Variants in EGFR observed in about 807,000 individuals in gnomAD.
The protein encoded by EGFR is epidermal growth factor receptor.
In EGFR, 58 loss-of-function variants were observed where a neutral mutation model predicts 143.0. That is an observed-to-expected ratio of 0.41 (90% CI 0.33 to 0.50). The LOEUF (loss-of-function observed/expected upper bound fraction) is 0.50. EGFR is among the 20% of genes least tolerant of loss of function. The pLI is 0.39. For synonymous variants in EGFR, 613 were observed against 594.4 expected (o/e 1.03, Z -0.45); for missense variants, 1,307 against 1,579.0 (o/e 0.83, Z 2.92).
At chr7:55,198,988 TC>T in intron 23 of EGFR, 125 bp downstream of exon 23, 1 of 1,253,108 alleles carries the variant, frequency 8.0e-7, no homozygotes, top group Non-Finnish European at 1.1e-6. Flanking sequence ...GGCACACAAA[TC>T]CAGAAACATC....
chr7:55,203,374 A>G (rs577978758), intron 27 of EGFR, among the ~76,000 whole-genome samples: 14 of 146,852 alleles, frequency 9.5e-5, no homozygotes, highest in African/African-American at 2.8e-4. Flanking sequence ...GCATACATAC[A>G]CACCACACAT....
At chr7:55,203,302 T>C (rs954954764) in intron 27 of EGFR, among the ~76,000 whole-genome samples, 1 of 136,396 alleles carries the variant, frequency 7.3e-6, no homozygotes, top group African/African-American at 2.8e-5. Flanking sequence ...CACATACACA[T>C]ATACACACCA....
intron 1 of EGFR, among the ~76,000 whole-genome samples, chr7:55,117,299 AG>A (rs1584082594): frequency 1.3e-5 from 2 of 152,184 alleles, no homozygotes; most frequent in Admixed American, 6.5e-5. Flanking sequence ...GATCGGTAAA[AG>A]TTTGTTGAAT....
chr7:55,118,763 A>T (rs4947978), intron 1 of EGFR, among the ~76,000 whole-genome samples: 1 of 151,728 alleles, frequency 6.6e-6, no homozygotes, highest in Non-Finnish European at 1.5e-5. Flanking sequence ...GCGGGCGGGA[A>T]CCAGGACTGC....
intron 1 of EGFR, among the ~76,000 whole-genome samples, chr7:55,094,004 A>G (rs1341714317): frequency 6.6e-6 from 1 of 152,226 alleles, no homozygotes; most frequent in East Asian, 1.9e-4. Flanking sequence ...AAGTGCAGCC[A>G]CTGAGAACTC....
chr7:55,117,104 C>A (rs1489713255), intron 1 of EGFR, among the ~76,000 whole-genome samples: 1 of 152,184 alleles, frequency 6.6e-6, no homozygotes, highest in Non-Finnish European at 1.5e-5. Context: ...AAATTATACA[C>A]CACCAGCAGT....
chr7:55,200,494 G>T (rs1458237719), intron 24 of EGFR, 81 bp downstream of exon 24: 3 of 1,393,984 alleles, frequency 2.2e-6, no homozygotes, highest in Non-Finnish European at 3.1e-6. Flanking sequence ...TCACATGCCA[G>T]CCTGGCCTCC....
chr7:55,068,717 G>A (rs1223368167), intron 1 of EGFR, among the ~76,000 whole-genome samples: 3 of 152,164 alleles, frequency 2.0e-5, no homozygotes, highest in Non-Finnish European at 2.9e-5. Flanking sequence ...TCCAGTGACC[G>A]GGAGGCAATA....
intron 4 of EGFR, 33 bp downstream of exon 4, chr7:55,146,773 A>G (rs2128929745): frequency 1.2e-6 from 2 of 1,613,944 alleles, no homozygotes; most frequent in Non-Finnish European, 1.7e-6. Flanking sequence ...CTCTGCCTCC[A>G]GCTCCTATGG....
intron 27 of EGFR, 192 bp downstream of exon 27, chr7:55,202,817 T>C (rs1410161712): frequency 5.7e-6 from 4 of 703,918 alleles, no homozygotes; most frequent in African/African-American, 1.8e-5. Flanking sequence ...AGCTCTTTGT[T>C]GTGTCTGGTT....
intron 1 of EGFR, among the ~76,000 whole-genome samples, chr7:55,102,576 A>AT (rs1443344480): frequency 6.6e-6 from 1 of 152,192 alleles, no homozygotes; most frequent in Non-Finnish European, 1.5e-5. Context: ...CAGCAAAACA[A>AT]TGTAACAATT....
chr7:55,202,411 C>T, intron 26 of EGFR, 106 bp from the exon 27 acceptor site: 4 of 979,862 alleles, frequency 4.1e-6, no homozygotes, highest in Non-Finnish European at 6.3e-6. Flanking sequence ...GCCTGCCCAA[C>T]CTACTAATCA....
chr7:55,188,934 C>T (rs977577669), intron 20 of EGFR: 1 of 152,208 alleles, frequency 6.6e-6, no homozygotes, highest in Non-Finnish European at 1.5e-5. Flanking sequence ...AGGAAACAGA[C>T]ACTGTGTAGA....
At chr7:55,189,155 C>T (rs1294458771) in intron 20 of EGFR, among the ~76,000 whole-genome samples, 1 of 151,974 alleles carries the variant, frequency 6.6e-6, no homozygotes, top group Non-Finnish European at 1.5e-5. Flanking sequence ...TATATATACA[C>T]ACATATGCAT....
chr7:55,195,283 CTG>C (rs779865259), intron 22 of EGFR, among the ~76,000 whole-genome samples: 64 of 152,194 alleles, frequency 4.2e-4, no homozygotes, highest in Non-Finnish European at 7.8e-4. Flanking sequence ...AGCTTGTATT[CTG>C]TGTATTAATT....
At chr7:55,134,318 C>T (rs951512298) in intron 1 of EGFR, among the ~76,000 whole-genome samples, 2 of 144,752 alleles carry the variant, frequency 1.4e-5, no homozygotes, top group African/African-American at 5.1e-5. Flanking sequence ...ACACACAGGT[C>T]CAGTTCCAGG....
At position 55,207,561 on chromosome 7, in the gene EGFR, G is replaced by T. The variant is rs1414246860; in HGVS notation, c.*1944G>T. ...AGGGAGGTTGGGTCCTGCCTGAGGA[G>T]ACCTGGAAGGGAGGCCTCACAGGAG... On this transcript the variant is annotated 3_prime_UTR_variant, in exon 28 of 28. Coordinates refer to ENST00000275493, the MANE Select transcript of EGFR (RefSeq NM_005228.5). The T allele has an allele frequency of 5.8e-6, 1 of 172,384 alleles. No homozygotes were observed. The highest frequency in any genetic ancestry group is 1.3e-5 in the Non-Finnish European group (1 of 79,568). The allele number at this position is 172,384 out of a possible 1,614,324, so 10.7% of individuals were successfully genotyped here. A position where few individuals can be genotyped will look rare whatever the true frequency, so the allele number is the denominator to read the frequency against.
At chr7:55,163,974 C>G in intron 14 of EGFR, 151 bp downstream of exon 14, 1 of 821,640 alleles carries the variant, frequency 1.2e-6, no homozygotes. Flanking sequence ...CAGCGCTGTC[C>G]GGGCAGGGTG....
intron 15 of EGFR, chr7:55,170,466 G>A (rs201419843): frequency 6.2e-7 from 1 of 1,614,156 alleles, no homozygotes; most frequent in Non-Finnish European, 8.5e-7. Flanking sequence ...CAGAGTTTCA[G>A]CTGGGTTGGG....
Sources: gnomAD v4.1 joint callset for allele counts (sites outside exome capture counted in the v4.1 genomes callset) on GRCh38, gnomAD v4.1.1 for gene constraint, MANE v1.5 for transcripts, NCBI Gene and HGNC (gene_info 2026-07-23, HGNC 2026-07-21) for gene names.